PCDH15: variants seen among roughly 807,000 people sequenced by gnomAD.
PCDH15 encodes the protein protocadherin-15.
Under a neutral mutation model 178.5 loss-of-function variants are expected in PCDH15, and 129 were observed. That is an observed-to-expected ratio of 0.72 (90% CI 0.63 to 0.84). The LOEUF is 0.84. PCDH15 is among the 40% of genes least tolerant of loss of function. The pLI, the probability that PCDH15 is intolerant of heterozygous loss-of-function variation, is 0.00. For missense variants in PCDH15, 2,230 were observed against 2,099.9 expected (o/e 1.06, Z -1.21); for synonymous variants, 800 against 732.0 (o/e 1.09, Z -1.50).
intron 3 of PCDH15, among the ~76,000 whole-genome samples, chr10:54,506,938 T>C (rs530271678): frequency 6.6e-6 from 1 of 151,520 alleles, no homozygotes; most frequent in Admixed American, 6.6e-5. Context: ...CAAAACATGA[T>C]TTTTTTTTGA....
chr10:54,789,801 C>G (rs1387024368), intron 1 of PCDH15, among the ~76,000 whole-genome samples: 1 of 151,674 alleles, frequency 6.6e-6, no homozygotes, highest in Non-Finnish European at 1.5e-5. Context: ...AGTATTAAAC[C>G]ACAGGAAAGA....
chr10:54,490,236 G>A (rs2079455509), intron 3 of PCDH15, among the ~76,000 whole-genome samples: 1 of 152,010 alleles, frequency 6.6e-6, no homozygotes, highest in African/African-American at 2.4e-5. Flanking sequence ...GAATCACGAG[G>A]TCAGGAGATC....
At chr10:54,153,430 T>C in intron 13 of PCDH15, 137 bp from the exon 14 acceptor site, 1 of 855,618 alleles carries the variant, frequency 1.2e-6, no homozygotes, top group Non-Finnish European at 1.8e-6. Flanking sequence ...TACTGTTTTT[T>C]GTTTTTTGTT....
At chr10:54,462,189 T>A (rs2077205227) in intron 3 of PCDH15, among the ~76,000 whole-genome samples, 1 of 152,054 alleles carries the variant, frequency 6.6e-6, no homozygotes, top group African/African-American at 2.4e-5. Context: ...GCGTAATAAT[T>A]TTTGTCAATG....
chr10:54,346,403 G>C lies in PCDH15; in HGVS notation c.556C>G (p.Gln186Glu), dbSNP rs1384677442. Residue 186 changes from glutamine to glutamate, a missense_variant, in exon 6 of 38, where the codon CAG becomes GAG. Gln to Glu is a conservative substitution (Grantham distance 29). Coordinates refer to ENST00000644397, the MANE Select transcript of PCDH15 (RefSeq NM_001384140.1). ...TTATACTGAATAACATACTCTATCT[G>C]TCCATTTGGTCCATCATCTATATCT... ...ATDIDDGPNGQIEYVIQYNPD... is the reference protein window; with the variant it reads ...ATDIDDGPNGEIEYVIQYNPD... 1 of 1,613,136 alleles carries C rather than the reference G, an allele frequency of 6.2e-7. No individual in the cohort carries two copies. The highest frequency in any genetic ancestry group is 1.7e-5 in the Admixed American group (1 of 60,008).
At chr10:54,987,573 T>A (rs1399541785) in intron 2 of PCDH15, among the ~76,000 whole-genome samples, 1 of 152,200 alleles carries the variant, frequency 6.6e-6, no homozygotes, top group African/African-American at 2.4e-5. Context: ...TGGAGTGTGA[T>A]GGTATCTCAT....
intron 11 of PCDH15, among the ~76,000 whole-genome samples, chr10:54,186,975 A>G (rs979018538): frequency 6.6e-6 from 1 of 152,022 alleles, no homozygotes; most frequent in East Asian, 1.9e-4. Context: ...TTTAGTTAAC[A>G]TGCAGTTTCA....
In PCDH15 at chr10:53,857,279, A is replaced by C; in HGVS notation, c.3718-16T>G. On this transcript the variant is annotated splice_polypyrimidine_tract_variant and intron_variant, in intron 27 of 37. Coordinates refer to ENST00000644397, the MANE Select transcript of PCDH15 (RefSeq NM_001384140.1). ...CCACGGAGACCTGAAAGAAGAAAAA[A>C]CAGAATTCATTTAATTTTTACTCAC... 1 of 1,592,056 alleles carries C rather than the reference A, an allele frequency of 6.3e-7. No individual in the cohort carries two copies. The highest frequency in any genetic ancestry group is 1.3e-5 in the African/African-American group (1 of 74,508).
chr10:55,090,040 G>T (rs1242508566), intron 2 of PCDH15, among the ~76,000 whole-genome samples: 1 of 151,878 alleles, frequency 6.6e-6, no homozygotes, highest in Admixed American at 6.6e-5. Flanking sequence ...TTAATGAGTA[G>T]TTAAAAGATT....
At chr10:54,880,980 C>G (rs886557657) in intron 3 of PCDH15, among the ~76,000 whole-genome samples, 31 of 151,790 alleles carry the variant, frequency 2.0e-4, no homozygotes, top group African/African-American at 5.8e-4. Flanking sequence ...TAGGTTCTCT[C>G]CAATAATATT....
intron 2 of PCDH15, among the ~76,000 whole-genome samples, chr10:55,408,726 A>G (rs1411547198): frequency 6.6e-6 from 1 of 151,974 alleles, no homozygotes; most frequent in East Asian, 1.9e-4. Context: ...AGAGTGATTA[A>G]CATACTGGAA....
chr10:55,599,864 C>G, intron 2 of PCDH15: 2 of 1,370,408 alleles, frequency 1.5e-6, no homozygotes, highest in Non-Finnish European at 2.0e-6. Context: ...GCAAAGGTAG[C>G]ATAATCACTT....
rs539853708 is a variant in PCDH15 at position 53,951,322 on chromosome 10, C to A, written c.3122+8410G>T. Among the ~76,000 whole-genome samples, 428 of 148,110 alleles carry A rather than the reference C, an allele frequency of 2.9e-3. 3 individuals are homozygous for A. The highest frequency in any genetic ancestry group is 0.01 in the African/African-American group (408 of 40,130). Reference sequence around the variant, plus strand: ...CCGGACTTAATTCATTTCCCTCCCACCCCCACCAAAAAATGAAGCTAGTTG... The same window carrying A: ...CCGGACTTAATTCATTTCCCTCCCAACCCCACCAAAAAATGAAGCTAGTTG... On this transcript the variant is annotated intron_variant, in intron 23 of 37. Coordinates refer to ENST00000644397, the MANE Select transcript of PCDH15 (RefSeq NM_001384140.1).
chr10:54,241,309 A>G, intron 8 of PCDH15, among the ~76,000 whole-genome samples: 1 of 152,216 alleles, frequency 6.6e-6, no homozygotes, highest in East Asian at 1.9e-4. Context: ...CAGAGGAAGT[A>G]CGGTATGTGT....
chr10:54,828,951 T>G (rs1397172399), intron 3 of PCDH15, among the ~76,000 whole-genome samples: 2 of 151,990 alleles, frequency 1.3e-5, no homozygotes, highest in African/African-American at 4.8e-5. Context: ...AGAAAGTCCC[T>G]GTTTGACACA....
intron 3 of PCDH15, among the ~76,000 whole-genome samples, chr10:54,890,016 CT>C (rs1954432020): frequency 6.6e-6 from 1 of 151,786 alleles, no homozygotes; most frequent in South Asian, 2.1e-4. Context: ...AAATATTGGG[CT>C]TTGCACACTG....
At chr10:55,489,365 A>C (rs2132126456) in intron 2 of PCDH15, among the ~76,000 whole-genome samples, 1 of 151,748 alleles carries the variant, frequency 6.6e-6, no homozygotes, top group East Asian at 1.9e-4. Context: ...ATATACCATA[A>C]AATTTTATTT....
At chr10:55,370,608 T>C (rs950830711) in intron 2 of PCDH15, among the ~76,000 whole-genome samples, 10 of 152,132 alleles carry the variant, frequency 6.6e-5, no homozygotes, top group Admixed American at 6.6e-4. Context: ...AGAGTCCTAA[T>C]TAATGTTATA....
intron 25 of PCDH15, among the ~76,000 whole-genome samples, chr10:53,932,763 G>A (rs1254609966): frequency 6.6e-6 from 1 of 152,258 alleles, no homozygotes; most frequent in African/African-American, 2.4e-5. Flanking sequence ...TTTGGTCTAG[G>A]TTCTGCTGCT....
Sources: gnomAD v4.1 joint callset for allele counts (sites outside exome capture counted in the v4.1 genomes callset) on GRCh38, gnomAD v4.1.1 for gene constraint, MANE v1.5 for transcripts, NCBI Gene and HGNC (gene_info 2026-07-23, HGNC 2026-07-21) for gene names.